CADPS2: variants seen among roughly 807,000 people sequenced by gnomAD.
The protein encoded by CADPS2 is calcium-dependent secretion activator 2.
A neutral mutation model predicts 172.5 loss-of-function variants in CADPS2; 93 were observed. That is an observed-to-expected ratio of 0.54 (90% CI 0.46 to 0.64). CADPS2 has a LOEUF of 0.64. Ranked by LOEUF, CADPS2 falls within the 30% of genes least tolerant of loss-of-function variation. The pLI is 0.00. For synonymous variants in CADPS2, 546 were observed against 555.2 expected (o/e 0.98, Z 0.23); for missense variants, 1,420 against 1,565.9 (o/e 0.91, Z 1.57).
chr7:122,821,132 C>G (rs921592419), intron 1 of CADPS2, among the ~76,000 whole-genome samples: 3 of 152,070 alleles, frequency 2.0e-5, no homozygotes, highest in African/African-American at 7.2e-5. Flanking sequence ...TGATACCACA[C>G]CTGACCCCCA....
chr7:122,866,067 G>GA (rs1818242255), intron 1 of CADPS2, among the ~76,000 whole-genome samples: 1 of 152,190 alleles, frequency 6.6e-6, no homozygotes, highest in African/African-American at 2.4e-5. Flanking sequence ...CTGGGAATGG[G>GA]AAAAAGTGGG....
chr7:122,588,151 C>G (rs758046808), intron 6 of CADPS2, among the ~76,000 whole-genome samples: 19 of 151,960 alleles, frequency 1.3e-4, no homozygotes, highest in Non-Finnish European at 2.4e-4. Flanking sequence ...TTTTCTCCCA[C>G]TCTGTAGGCT....
chr7:122,549,565 G>A (rs560828543), intron 8 of CADPS2, among the ~76,000 whole-genome samples: 8 of 151,950 alleles, frequency 5.3e-5, no homozygotes, highest in African/African-American at 1.9e-4. Flanking sequence ...AGGTTGCAGT[G>A]AGCGGAGATG....
rs563936472 is a variant in CADPS2, at chr7:122,405,080, TCAAAACAAAA to T, written c.2746+2450_2746+2459del. Reference sequence around the variant, plus strand: ...CTGGGCAACAGAGTGAGACTGCATCTCAAAACAAAACAAAACAAAACAAACAAACAAAAGT... The same window carrying T: ...CTGGGCAACAGAGTGAGACTGCATCTCAAAACAAAACAAACAAACAAAAGT... On this transcript the variant is annotated intron_variant, in intron 20 of 29. Coordinates refer to ENST00000449022, the MANE Select transcript of CADPS2 (RefSeq NM_017954.11). 1.7e-4 allele frequency among the ~76,000 whole-genome samples: 25 copies of T among 150,926 alleles called. No individual in the cohort carries two copies. The East Asian group carries it at 3.7e-3, about 22-fold the overall frequency.
chr7:122,829,995 T>C (rs927142475), intron 1 of CADPS2, among the ~76,000 whole-genome samples: 5 of 150,182 alleles, frequency 3.3e-5, no homozygotes, highest in African/African-American at 1.2e-4. Context: ...TAACTATTCA[T>C]TATGCCTTAT....
intron 2 of CADPS2, among the ~76,000 whole-genome samples, chr7:122,720,322 T>C (rs1021565359): frequency 2.0e-5 from 3 of 151,672 alleles, no homozygotes; most frequent in Non-Finnish European, 4.4e-5. Flanking sequence ...CACATGAAAA[T>C]AGTATTAATG....
intron 7 of CADPS2, among the ~76,000 whole-genome samples, chr7:122,563,963 G>A (rs552252987): frequency 5.9e-5 from 9 of 152,210 alleles, no homozygotes; most frequent in Admixed American, 5.9e-4. Context: ...GTGCCTAAAG[G>A]AAATGCTCAT....
intron 1 of CADPS2, among the ~76,000 whole-genome samples, chr7:122,753,783 A>G (rs900202606): frequency 6.6e-5 from 10 of 152,178 alleles, no homozygotes; most frequent in Admixed American, 1.3e-4. Flanking sequence ...GAACGCTTGC[A>G]TGCTCTTGGG....
intron 6 of CADPS2, among the ~76,000 whole-genome samples, chr7:122,598,018 T>C (rs2072134302): frequency 6.6e-6 from 1 of 152,086 alleles, no homozygotes. Flanking sequence ...ACAAAACAGA[T>C]GACATTTTGT....
At chr7:122,510,834 T>C (rs570048975) in intron 9 of CADPS2, among the ~76,000 whole-genome samples, 13 of 152,280 alleles carry the variant, frequency 8.5e-5, no homozygotes, top group Middle Eastern at 3.4e-3. Flanking sequence ...TCTCCATACA[T>C]ATCCATCTTG....
Position 122,654,889 on chromosome 7 carries a change from G to C in CADPS2, c.786+8348C>G, listed in dbSNP as rs111284250. On this transcript the variant is annotated intron_variant, in intron 3 of 29. Transcript: ENST00000449022. The stretch of plus-strand genomic sequence containing the variant: ...TTCTAGATGCCATTAACACACTTGT[G>C]ATTCAAGGGAGGAAGTTAAAATGTC... Among the ~76,000 whole-genome samples, 277 of 152,312 alleles carry C rather than the reference G, an allele frequency of 1.8e-3. 3 individuals carry two copies. The East Asian group carries it at 0.027, about 15-fold the overall frequency.
chr7:122,579,450 AATATATATATATATATAT>A (rs3034498), intron 7 of CADPS2, among the ~76,000 whole-genome samples: 3 of 128,668 alleles, frequency 2.3e-5, no homozygotes, highest in Middle Eastern at 3.7e-3. Flanking sequence ...AATTGCATCG[AATATATATATATATATAT>A]ATATATATAT....
At chr7:122,565,632 A>G (rs1247030846) in intron 7 of CADPS2, among the ~76,000 whole-genome samples, 1 of 152,184 alleles carries the variant, frequency 6.6e-6, no homozygotes, top group African/African-American at 2.4e-5. Context: ...AATACAAACC[A>G]TCAGGGAATA....
intron 2 of CADPS2, among the ~76,000 whole-genome samples, chr7:122,711,024 T>C (rs1208000061): frequency 1.3e-5 from 2 of 152,176 alleles, no homozygotes; most frequent in Non-Finnish European, 2.9e-5. Context: ...TTATAATCTA[T>C]GCTTTATACA....
intron 2 of CADPS2, among the ~76,000 whole-genome samples, chr7:122,691,155 T>A (rs1426411851): frequency 6.6e-6 from 1 of 152,234 alleles, no homozygotes; most frequent in African/African-American, 2.4e-5. Flanking sequence ...TACCCATGAA[T>A]GCACCCATCC....
chr7:122,606,642 G>A (rs1352969000), intron 6 of CADPS2, among the ~76,000 whole-genome samples: 1 of 152,060 alleles, frequency 6.6e-6, no homozygotes, highest in Non-Finnish European at 1.5e-5. Flanking sequence ...CATAGTCTGA[G>A]ACCGACTGAG....
At chr7:122,659,528 A>T (rs762587032) in intron 3 of CADPS2, among the ~76,000 whole-genome samples, 7 of 152,160 alleles carry the variant, frequency 4.6e-5, no homozygotes, top group Non-Finnish European at 1.0e-4. Context: ...TGACATAAAC[A>T]TATCTAGAAT....
intron 2 of CADPS2, among the ~76,000 whole-genome samples, chr7:122,677,689 A>G (rs1043823675): frequency 6.6e-6 from 1 of 152,230 alleles, no homozygotes; most frequent in Non-Finnish European, 1.5e-5. Context: ...ATACAGAAGT[A>G]AAGAGACATG....
At chr7:122,460,132 C>A (rs2054278377) in intron 14 of CADPS2, among the ~76,000 whole-genome samples, 1 of 151,900 alleles carries the variant, frequency 6.6e-6, no homozygotes, top group Non-Finnish European at 1.5e-5. Flanking sequence ...CTTCTGCTTG[C>A]AGTATGGTGG....
Sources: allele counts gnomAD v4.1 joint callset (sites outside exome capture counted in the v4.1 genomes callset), GRCh38; gene constraint gnomAD v4.1.1; transcripts MANE v1.5; gene names NCBI Gene and HGNC (gene_info 2026-07-23, HGNC 2026-07-21).